The following PCLO variants were observed in gnomAD, a reference collection of about 807,000 sequenced individuals.
The protein encoded by PCLO is piccolo presynaptic cytomatrix protein, also known as protein piccolo.
PCLO carries 82 observed loss-of-function variants against 427.5 expected under a neutral mutation model. The ratio of observed to expected loss-of-function variants is 0.19; its 90% CI spans 0.16 to 0.23. The LOEUF (loss-of-function observed/expected upper bound fraction) is 0.23, where lower values mean the gene tolerates loss of function less well. Among genes scored for constraint, PCLO ranks in the 10% least tolerant of loss-of-function variants. The pLI is 1.00. For missense variants in PCLO, 6,239 were observed against 6,115.9 expected, an observed-to-expected ratio of 1.02 and a Z score of -0.67; for synonymous variants, 2,357 against 2,155.4, an observed-to-expected ratio of 1.09 and a Z score of -2.59.
intron 10 of PCLO, among the ~76,000 whole-genome samples, chr7:82,865,356 C>T (rs1793066204): frequency 6.6e-6 from 1 of 151,954 alleles, no homozygotes; most frequent in Non-Finnish European, 1.5e-5. Context: ...GGCATGGTGG[C>T]CAGCGACTGT....
chr7:82,830,200 C>T (rs1584022080), intron 16 of PCLO, among the ~76,000 whole-genome samples: 1 of 151,828 alleles, frequency 6.6e-6, no homozygotes, highest in Non-Finnish European at 1.5e-5. Flanking sequence ...TAAAATTTGA[C>T]AAAATTGGAT....
At chr7:82,764,431 G>A (rs1790491480) in intron 22 of PCLO, among the ~76,000 whole-genome samples, 1 of 151,866 alleles carries the variant, frequency 6.6e-6, no homozygotes, top group Non-Finnish European at 1.5e-5. Flanking sequence ...AAAATGCAGA[G>A]TTGAGATTAA....
At chr7:83,060,915 A>G (rs1467787500) in intron 3 of PCLO, among the ~76,000 whole-genome samples, 1 of 152,222 alleles carries the variant, frequency 6.6e-6, no homozygotes, top group Non-Finnish European at 1.5e-5. Context: ...CTACTCGTCC[A>G]TAAAGTTTGG....
At chr7:82,892,147 G>A (rs1362350607) in intron 9 of PCLO, among the ~76,000 whole-genome samples, 1 of 152,086 alleles carries the variant, frequency 6.6e-6, no homozygotes, top group African/African-American at 2.4e-5. Flanking sequence ...GAACAAAGCT[G>A]GAGGCATCAC....
In PCLO at chr7:82,956,078, T is replaced by C. The variant is rs376649796; in HGVS notation, c.4875A>G (p.Arg1625=). The C allele has an allele frequency of 6.2e-7, 1 of 1,611,660 alleles. No individual in the cohort carries two copies. Among genetic ancestry groups the C allele is most frequent in the African/African-American group, 1.3e-5 (1 of 74,910 alleles). ...CGTCTTCATCATGCCATGAGTGACGTCTTCCTGCATCTTCATCAATGCTTG... is the reference window on the plus strand; with the variant it reads ...CGTCTTCATCATGCCATGAGTGACGCCTTCCTGCATCTTCATCAATGCTTG... ...SSTSIDEDAG[R]RHSWHDEDDE... The change falls in exon 5 of 25, where the codon AGA becomes AGG. Residue 1625 remains arginine (R), a synonymous_variant. Coordinates refer to ENST00000333891, the MANE Select transcript of PCLO (RefSeq NM_033026.6).
chr7:82,832,094 T>A (rs1397876654), intron 16 of PCLO, among the ~76,000 whole-genome samples: 1 of 152,184 alleles, frequency 6.6e-6, no homozygotes, highest in African/African-American at 2.4e-5. Flanking sequence ...GAAGATTACA[T>A]TAATGATTTA....
intron 3 of PCLO, among the ~76,000 whole-genome samples, chr7:83,069,513 C>T (rs1456900754): frequency 6.6e-6 from 1 of 152,002 alleles, no homozygotes; most frequent in African/African-American, 2.4e-5. Flanking sequence ...AAAAGAATTA[C>T]CTTTGAAATT....
intron 6 of PCLO, among the ~76,000 whole-genome samples, chr7:82,947,850 C>A (rs1795240196): frequency 6.6e-6 from 1 of 152,008 alleles, no homozygotes; most frequent in Non-Finnish European, 1.5e-5. Context: ...ATTTCCAAAT[C>A]CAAAGTGAAT....
intron 3 of PCLO, among the ~76,000 whole-genome samples, chr7:83,084,381 C>A (rs758291561): frequency 2.5e-4 from 38 of 151,994 alleles, no homozygotes; most frequent in Non-Finnish European, 4.6e-4. Flanking sequence ...TTTCCAAATA[C>A]AAATGAAATA....
At chr7:83,140,776 C>T (rs1584078476) in intron 2 of PCLO, among the ~76,000 whole-genome samples, 1 of 152,182 alleles carries the variant, frequency 6.6e-6, no homozygotes, top group African/African-American at 2.4e-5. Flanking sequence ...ACAACATCTG[C>T]TAGCCATAAA....
At chr7:83,157,906 CCTG>C (rs1792340236) in intron 1 of PCLO, among the ~76,000 whole-genome samples, 2 of 151,920 alleles carry the variant, frequency 1.3e-5, no homozygotes. Context: ...CCAAAATTTA[CCTG>C]CTAATGAGAC....
At chr7:82,879,298 G>A (rs1242416725) in intron 10 of PCLO, 39 bp downstream of exon 10, 14 of 1,524,148 alleles carry the variant, frequency 9.2e-6, no homozygotes, top group Middle Eastern at 1.7e-4. Context: ...TAATATGAGT[G>A]CATTCATTTT....
chr7:83,149,473 T>A (rs180995669), intron 2 of PCLO, among the ~76,000 whole-genome samples: 1 of 152,300 alleles, frequency 6.6e-6, no homozygotes, highest in Admixed American at 6.5e-5. Context: ...ATAGAGGAGA[T>A]GAGCATTTGT....
chr7:83,153,221 A>G (rs1037843671), intron 2 of PCLO, among the ~76,000 whole-genome samples: 6 of 150,298 alleles, frequency 4.0e-5, no homozygotes, highest in African/African-American at 1.2e-4. Context: ...AAACATATGT[A>G]TATGTATATA....
rs747290231 is a variant in PCLO at position 82,879,327 on chromosome 7, T to G, written c.13654+10A>C. ...TCATTTTATTTTACTGTAAAATTCC[T>G]TATTCTTACCTTCCATAAGCTTCCC... On this transcript the variant is annotated intron_variant, in intron 10 of 24. Coordinates refer to ENST00000333891, the MANE Select transcript of PCLO (RefSeq NM_033026.6). 2 of 1,598,688 alleles carry G rather than the reference T, an allele frequency of 1.3e-6. No homozygotes were observed. Among genetic ancestry groups the G allele is most frequent in the Admixed American group, 3.5e-5 (2 of 56,366 alleles).
chr7:82,834,785 T>C (rs1409253483), intron 16 of PCLO, among the ~76,000 whole-genome samples: 4 of 152,032 alleles, frequency 2.6e-5, no homozygotes, highest in African/African-American at 9.7e-5. Flanking sequence ...GCTCCTACTA[T>C]TGGGAACAAA....
chr7:82,864,222 CA>C (rs1793036094), intron 10 of PCLO, among the ~76,000 whole-genome samples: 1 of 152,050 alleles, frequency 6.6e-6, no homozygotes, highest in Non-Finnish European at 1.5e-5. Flanking sequence ...TACAATAAAA[CA>C]TCACATCAAG....
intron 9 of PCLO, among the ~76,000 whole-genome samples, chr7:82,889,158 T>C (rs1239708333): frequency 6.6e-6 from 1 of 152,112 alleles, no homozygotes; most frequent in African/African-American, 2.4e-5. Context: ...TTGTTCAGTG[T>C]TCCCCAGCAC....
intron 7 of PCLO, among the ~76,000 whole-genome samples, chr7:82,909,803 T>C (rs1426404775): frequency 6.6e-6 from 1 of 152,102 alleles, no homozygotes; most frequent in African/African-American, 2.4e-5. Context: ...AAAATGATTA[T>C]TTTTTTAAGA....
Sources: allele counts gnomAD v4.1 joint callset (sites outside exome capture counted in the v4.1 genomes callset), GRCh38; gene constraint gnomAD v4.1.1; transcripts MANE v1.5; gene names NCBI Gene and HGNC (gene_info 2026-07-23, HGNC 2026-07-21).